Variants in INVS observed in about 807,000 individuals in gnomAD.
INVS encodes inversin, also known as inversion of embryo turning homolog.
INVS carries 86 observed loss-of-function variants against 108.8 expected under a neutral mutation model. The observed-to-expected ratio is 0.79, with a 90% confidence interval of 0.66 to 0.95. The LOEUF is 0.95. Among genes scored for constraint, INVS ranks in the 40% least tolerant of loss-of-function variants. The pLI is 0.00. For synonymous variants in INVS, 455 were observed against 473.5 expected (o/e 0.96, Z 0.51); for missense variants, 1,169 against 1,297.4 (o/e 0.90, Z 1.52).
chr9:100,265,648 C>T (rs182796695), intron 11 of INVS, among the ~76,000 whole-genome samples: 3 of 152,248 alleles, frequency 2.0e-5, no homozygotes, highest in African/African-American at 7.2e-5. Context: ...CAAAGAGATG[C>T]CACCATGTAG....
intron 11 of INVS, among the ~76,000 whole-genome samples, chr9:100,269,245 G>A (rs1448304312): frequency 1.3e-5 from 2 of 151,942 alleles, no homozygotes; most frequent in Non-Finnish European, 2.9e-5. Context: ...ATAAAATGAA[G>A]GTATTGAACT....
chr9:100,254,283 ATTTG>A (rs1832342551), intron 10 of INVS, among the ~76,000 whole-genome samples: 1 of 151,958 alleles, frequency 6.6e-6, no homozygotes, highest in Non-Finnish European at 1.5e-5. Context: ...TTTCTTGTAA[ATTTG>A]TTTAAGTTCT....
intron 3 of INVS, among the ~76,000 whole-genome samples, chr9:100,217,699 G>A (rs906481681): frequency 6.6e-6 from 1 of 152,128 alleles, no homozygotes; most frequent in African/African-American, 2.4e-5. Context: ...ACATTACCTC[G>A]TCACTCAAGA....
intron 3 of INVS, among the ~76,000 whole-genome samples, chr9:100,145,617 G>A (rs1201114628): frequency 6.6e-6 from 1 of 152,086 alleles, no homozygotes; most frequent in Non-Finnish European, 1.5e-5. Context: ...GAGACACAGA[G>A]AGAAGGAGTT....
At chr9:100,100,646 G>A (rs868773456) in intron 1 of INVS, among the ~76,000 whole-genome samples, 3 of 31,702 alleles carry the variant, frequency 9.5e-5, no homozygotes, top group East Asian at 8.8e-4. Context: ...TATTATATAT[G>A]TATATATAAT....
intron 2 of INVS, chr9:100,117,330 G>T: frequency 1.4e-6 from 1 of 733,410 alleles, no homozygotes; most frequent in Non-Finnish European, 2.5e-6. Context: ...TCGTCCTTGA[G>T]AGAGGCCCCC....
intron 3 of INVS, among the ~76,000 whole-genome samples, chr9:100,189,853 G>A (rs1335960896): frequency 6.6e-6 from 1 of 152,012 alleles, no homozygotes; most frequent in Non-Finnish European, 1.5e-5. Context: ...CCCTCCCAAA[G>A]TGCTAGGATT....
At chr9:100,240,403 T>C (rs1831830264) in intron 6 of INVS, among the ~76,000 whole-genome samples, 163 bp downstream of exon 6, 6 of 152,090 alleles carry the variant, frequency 3.9e-5, no homozygotes, top group Admixed American at 3.9e-4. Flanking sequence ...TATAAATTTA[T>C]TTTATGTTAA....
chr9:100,100,703 TATAATATATATATTATATGTAC>T lies in INVS; in HGVS notation c.-25+1291_-25+1312del, dbSNP rs1205608044. Among the ~76,000 whole-genome samples the T allele has an allele frequency of 5.8e-3, 288 of 49,570 alleles. 14 individuals are homozygous for T. Among genetic ancestry groups the T allele is most frequent in the Non-Finnish European group, 7.3e-3 (215 of 29,396 alleles). The allele number at this position is 49,570 out of a possible 152,430, so 32.5% of individuals were successfully genotyped here. A position where few individuals can be genotyped will look rare whatever the true frequency, so the allele number is the denominator to read the frequency against. ...ATAATATATATATTATATATGTACA[TATAATATATATATTATATGTAC>T]ATATAATATATATATTATATGTACA... On this transcript the variant is annotated intron_variant, in intron 1 of 16. Transcript: ENST00000262457.
intron 3 of INVS, among the ~76,000 whole-genome samples, chr9:100,160,298 A>G (rs1029607404): frequency 6.6e-6 from 1 of 152,212 alleles, no homozygotes; most frequent in Non-Finnish European, 1.5e-5. Context: ...GAGGTTATGC[A>G]TTGCACCATT....
At chr9:100,233,263 G>T (rs184494378) in intron 5 of INVS, among the ~76,000 whole-genome samples, 1 of 152,280 alleles carries the variant, frequency 6.6e-6, no homozygotes, top group African/African-American at 2.4e-5. Context: ...AGCTTAAGGA[G>T]TTTCTGGGCT....
At chr9:100,187,861 G>A (rs1295840179) in intron 3 of INVS, among the ~76,000 whole-genome samples, 1 of 152,072 alleles carries the variant, frequency 6.6e-6, no homozygotes, top group African/African-American at 2.4e-5. Flanking sequence ...AGTTCATCTT[G>A]TAGAGATCTT....
intron 3 of INVS, among the ~76,000 whole-genome samples, chr9:100,177,447 C>T (rs940933434): frequency 1.3e-5 from 2 of 152,156 alleles, no homozygotes; most frequent in African/African-American, 4.8e-5. Context: ...GGGGGAGGGG[C>T]GTCCCCCATT....
At chr9:100,230,782 G>A (rs1031049974) in intron 5 of INVS, among the ~76,000 whole-genome samples, 1 of 152,214 alleles carries the variant, frequency 6.6e-6, no homozygotes, top group African/African-American at 2.4e-5. Flanking sequence ...CTCCCAAAGT[G>A]CTGGGATTAC....
chr9:100,229,977 G>A (rs754917725), intron 5 of INVS, 150 bp downstream of exon 5: 1 of 737,172 alleles, frequency 1.4e-6, no homozygotes, highest in Non-Finnish European at 2.2e-6. Flanking sequence ...CCAAGAAGTA[G>A]AACATTTCAG....
intron 3 of INVS, chr9:100,175,261 T>C (rs192555701): frequency 3.1e-6 from 2 of 636,268 alleles, no homozygotes; most frequent in Admixed American, 2.2e-5. Flanking sequence ...TGTCTGTGAT[T>C]TGTGGGCCCA....
chr9:100,248,807 G>T (rs573363081), intron 8 of INVS, among the ~76,000 whole-genome samples: 9 of 152,146 alleles, frequency 5.9e-5, no homozygotes, highest in Admixed American at 5.9e-4. Context: ...GAGGGAGACT[G>T]GAAGGCTGGA....
chr9:100,212,436 A>G (rs564698161), intron 3 of INVS, among the ~76,000 whole-genome samples: 7 of 152,160 alleles, frequency 4.6e-5, no homozygotes, highest in African/African-American at 9.7e-5. Flanking sequence ...TCATAAATCT[A>G]TATCTTGAAT....
chr9:100,187,185 G>A (rs1198620542), intron 3 of INVS, among the ~76,000 whole-genome samples: 2 of 151,850 alleles, frequency 1.3e-5, no homozygotes, highest in Non-Finnish European at 2.9e-5. Flanking sequence ...TTTATTTCTG[G>A]GTTCTCTATT....
Sources: allele counts gnomAD v4.1 joint callset (sites outside exome capture counted in the v4.1 genomes callset), GRCh38; gene constraint gnomAD v4.1.1; transcripts MANE v1.5; gene names NCBI Gene and HGNC (gene_info 2026-07-23, HGNC 2026-07-21).